Variants in ZNF521 observed in about 807,000 individuals in gnomAD.
ZNF521 encodes LYST-interacting protein 3.
A neutral mutation model predicts 105.5 loss-of-function variants in ZNF521; 14 were observed. That is an observed-to-expected ratio of 0.13 (90% CI 0.09 to 0.21). ZNF521 has a LOEUF of 0.21. ZNF521 is among the 10% of genes least tolerant of loss of function. The probability of loss-of-function intolerance (pLI) is 1.00; values close to 1 mark genes in which losing one functional copy is unlikely to be tolerated. For synonymous variants in ZNF521, 635 were observed against 606.0 expected (o/e 1.05, Z -0.70); for missense variants, 1,233 against 1,629.7 (o/e 0.76, Z 4.19).
chr18:25,116,895 ATATATG>A (rs2034320106), intron 5 of ZNF521, among the ~76,000 whole-genome samples: 1 of 51,522 alleles, frequency 1.9e-5, no homozygotes, highest in Non-Finnish European at 6.6e-5. Flanking sequence ...ATACGTATAT[ATATATG>A]TGTATATATA....
chr18:25,132,647 C>G (rs1414983870), intron 5 of ZNF521, among the ~76,000 whole-genome samples: 1 of 152,078 alleles, frequency 6.6e-6, no homozygotes, highest in Non-Finnish European at 1.5e-5. Flanking sequence ...TAAAAAGTAG[C>G]TAATATTGGG....
chr18:25,239,906 C>G (rs1442791861), intron 3 of ZNF521, among the ~76,000 whole-genome samples: 1 of 151,966 alleles, frequency 6.6e-6, no homozygotes, highest in Non-Finnish European at 1.5e-5. Flanking sequence ...ATTTTGCAGT[C>G]AAAGCAGTTA....
chr18:25,106,263 C>T (rs1385654893), intron 5 of ZNF521, among the ~76,000 whole-genome samples: 1 of 152,048 alleles, frequency 6.6e-6, no homozygotes, highest in Non-Finnish European at 1.5e-5. Context: ...GTTTTCTCTT[C>T]CTCATGTGGA....
At chr18:25,205,793 C>T (rs2144667654) in intron 4 of ZNF521, among the ~76,000 whole-genome samples, 1 of 152,256 alleles carries the variant, frequency 6.6e-6, no homozygotes, top group Non-Finnish European at 1.5e-5. Flanking sequence ...TAGATTGGTT[C>T]ATTTTATGAG....
chr18:25,322,438 C>T, intron 2 of ZNF521: 1 of 534,780 alleles, frequency 1.9e-6, no homozygotes, highest in Non-Finnish European at 3.4e-6. Context: ...TCAAATCACT[C>T]ACCCACTCTT....
chr18:25,134,810 C>T (rs2034703830), intron 5 of ZNF521, among the ~76,000 whole-genome samples: 1 of 152,102 alleles, frequency 6.6e-6, no homozygotes, highest in African/African-American at 2.4e-5. Flanking sequence ...CAGCTCAACA[C>T]TTTGCAGCAA....
chr18:25,336,803 A>G (rs943554567), intron 2 of ZNF521, among the ~76,000 whole-genome samples: 1 of 152,242 alleles, frequency 6.6e-6, no homozygotes, highest in African/African-American at 2.4e-5. Context: ...ACTTTCTAGA[A>G]TAGAAAAGAG....
At chr18:25,104,986 G>A (rs2034043045) in intron 5 of ZNF521, among the ~76,000 whole-genome samples, 1 of 151,976 alleles carries the variant, frequency 6.6e-6, no homozygotes, top group South Asian at 2.1e-4. Context: ...ATTAAATTTT[G>A]CCCTGGGCTA....
chr18:25,285,310 C>A (rs1467924171), intron 3 of ZNF521, among the ~76,000 whole-genome samples: 1 of 152,174 alleles, frequency 6.6e-6, no homozygotes, highest in African/African-American at 2.4e-5. Flanking sequence ...GTTCAAATTT[C>A]TGAAATGTAG....
intron 3 of ZNF521, among the ~76,000 whole-genome samples, chr18:25,305,295 G>A (rs144948119): frequency 4.6e-5 from 7 of 152,078 alleles, no homozygotes; most frequent in African/African-American, 1.4e-4. Flanking sequence ...TCTAATTTTT[G>A]AGCTAATTTA....
At chr18:25,144,476 C>T (rs970360976) in intron 5 of ZNF521, among the ~76,000 whole-genome samples, 15 of 152,146 alleles carry the variant, frequency 9.9e-5, no homozygotes, top group Non-Finnish European at 1.8e-4. Context: ...CAATCAGCTA[C>T]AATTTTACTT....
chr18:25,348,999 C>G (rs987925350), intron 2 of ZNF521, among the ~76,000 whole-genome samples: 2 of 152,150 alleles, frequency 1.3e-5, no homozygotes, highest in African/African-American at 4.8e-5. Flanking sequence ...AGCAGGTGAA[C>G]CAAATGCTCA....
chr18:25,321,101 C>G (rs1277701533), intron 3 of ZNF521, among the ~76,000 whole-genome samples: 1 of 152,154 alleles, frequency 6.6e-6, no homozygotes, highest in African/African-American at 2.4e-5. Flanking sequence ...CCCATACTCG[C>G]TTAATGGAAG....
intron 5 of ZNF521, among the ~76,000 whole-genome samples, chr18:25,191,941 C>T (rs2035825358): frequency 1.3e-5 from 2 of 152,068 alleles, no homozygotes; most frequent in Non-Finnish European, 2.9e-5. Context: ...AATTAAAGCA[C>T]GTAATACACA....
intron 3 of ZNF521, among the ~76,000 whole-genome samples, chr18:25,277,217 A>G (rs1185876200): frequency 6.6e-6 from 1 of 152,086 alleles, no homozygotes. Flanking sequence ...TTACATCAGA[A>G]TGTCTGAAAA....
chr18:25,103,948 T>C (rs917243249), intron 5 of ZNF521, among the ~76,000 whole-genome samples: 1 of 152,082 alleles, frequency 6.6e-6, no homozygotes, highest in South Asian at 2.1e-4. Context: ...ATTTTTGCTA[T>C]GTCAAAAACC....
At chr18:25,320,495 GT>G (rs1912881868) in intron 3 of ZNF521, among the ~76,000 whole-genome samples, 1 of 152,094 alleles carries the variant, frequency 6.6e-6, no homozygotes, top group Non-Finnish European at 1.5e-5. Flanking sequence ...CTCAGTTTCA[GT>G]AAGTATACTA....
chr18:25,265,950 C>T (rs190909399), intron 3 of ZNF521, among the ~76,000 whole-genome samples: 101 of 152,236 alleles, frequency 6.6e-4, no homozygotes, highest in African/African-American at 2.3e-3. Flanking sequence ...AGACAAACAT[C>T]GCGTCTTCTC....
chr18:25,221,684 C>T (rs985782937), intron 4 of ZNF521, among the ~76,000 whole-genome samples: 3 of 152,058 alleles, frequency 2.0e-5, no homozygotes, highest in African/African-American at 7.2e-5. Context: ...AAAATTTATT[C>T]CTATATGATA....
Sources: gnomAD v4.1 joint callset for allele counts (sites outside exome capture counted in the v4.1 genomes callset) on GRCh38, gnomAD v4.1.1 for gene constraint, MANE v1.5 for transcripts, NCBI Gene and HGNC (gene_info 2026-07-23, HGNC 2026-07-21) for gene names.